PLCB4: variants seen among roughly 807,000 people sequenced by gnomAD.
PLCB4 encodes 1-phosphatidylinositol 4,5-bisphosphate phosphodiesterase beta-4.
PLCB4 carries 77 observed loss-of-function variants against 178.8 expected under a neutral mutation model. The observed-to-expected ratio is 0.43, with a 90% confidence interval of 0.36 to 0.52. The LOEUF is 0.52. Among genes scored for constraint, PLCB4 ranks in the 20% least tolerant of loss-of-function variants. The pLI, the probability that PLCB4 is intolerant of heterozygous loss-of-function variation, is 0.00. For synonymous variants in PLCB4, 496 were observed against 490.8 expected, an observed-to-expected ratio of 1.01 and a Z score of -0.14; for missense variants, 1,024 against 1,453.4, an observed-to-expected ratio of 0.70 and a Z score of 4.80.
At chr20:9,185,681 C>T (rs548389237) in intron 2 of PLCB4, among the ~76,000 whole-genome samples, 2 of 152,096 alleles carry the variant, frequency 1.3e-5, no homozygotes, top group East Asian at 1.9e-4. Context: ...GAGTCTTTAC[C>T]GTGACCCACC....
At chr20:9,126,912 T>A (rs1178368009) in intron 2 of PLCB4, among the ~76,000 whole-genome samples, 1 of 151,874 alleles carries the variant, frequency 6.6e-6, no homozygotes, top group African/African-American at 2.4e-5. Flanking sequence ...TAAAATAAAA[T>A]GCCCTACTTT....
intron 26 of PLCB4, among the ~76,000 whole-genome samples, chr20:9,421,048 A>T (rs1479105812): frequency 2.1e-5 from 3 of 146,330 alleles, no homozygotes; most frequent in African/African-American, 8.1e-5. Flanking sequence ...ATTCATATAT[A>T]TTTTTTCTTT....
chr20:9,421,032 A>G (rs1390599037), intron 26 of PLCB4, among the ~76,000 whole-genome samples: 1 of 151,354 alleles, frequency 6.6e-6, no homozygotes, highest in Non-Finnish European at 1.5e-5. Context: ...CACTATTTGT[A>G]TTATGATTCA....
At chr20:9,081,233 A>G (rs1342585395) in intron 1 of PLCB4, among the ~76,000 whole-genome samples, 1 of 152,244 alleles carries the variant, frequency 6.6e-6, no homozygotes, top group African/African-American at 2.4e-5. Context: ...AACCAGCTAA[A>G]GTAATTTGCA....
At chr20:9,262,110 G>A (rs991493310) in intron 3 of PLCB4, among the ~76,000 whole-genome samples, 2 of 152,266 alleles carry the variant, frequency 1.3e-5, no homozygotes, top group Admixed American at 6.5e-5. Context: ...GTCTTCTATC[G>A]TCAGTTGAAT....
chr20:9,121,264 C>G (rs1600549164), intron 2 of PLCB4, among the ~76,000 whole-genome samples: 1 of 152,066 alleles, frequency 6.6e-6, no homozygotes, highest in African/African-American at 2.4e-5. Flanking sequence ...ATGGAATATT[C>G]CTTGCTCTCT....
intron 3 of PLCB4, among the ~76,000 whole-genome samples, chr20:9,258,714 CAAAAAAAAAAAAA>C (rs969525907): frequency 1.6e-5 from 1 of 62,780 alleles, no homozygotes; most frequent in Non-Finnish European, 3.4e-5. Flanking sequence ...GACTTCCTCT[CAAAAAAAAAAAAA>C]AAAAAAAAAG....
chr20:9,349,272 T>C (rs1437612015), intron 7 of PLCB4, among the ~76,000 whole-genome samples: 1 of 152,154 alleles, frequency 6.6e-6, no homozygotes, highest in African/African-American at 2.4e-5. Context: ...GGAAACTGCA[T>C]GCCCAATAAG....
chr20:9,105,619 C>G (rs2091333845), intron 2 of PLCB4, among the ~76,000 whole-genome samples: 1 of 151,930 alleles, frequency 6.6e-6, no homozygotes, highest in African/African-American at 2.4e-5. Context: ...AGGGATACAT[C>G]AATGAGTAAA....
chr20:9,206,925 T>C (rs1259281444), intron 2 of PLCB4, among the ~76,000 whole-genome samples: 1 of 152,184 alleles, frequency 6.6e-6, no homozygotes, highest in Non-Finnish European at 1.5e-5. Context: ...GAGACCAGCT[T>C]AGCCAATATG....
At position 9,372,358 on chromosome 20, in the gene PLCB4, A is replaced by G. The variant is rs1386696553; in HGVS notation, c.641A>G (p.Gln214Arg). The change falls in exon 11 of 40, where the codon CAA (glutamine) becomes CGA (arginine). Residue 214 changes from glutamine to arginine, a missense_variant. By Grantham distance (43) the Gln-to-Arg change is conservative. This residue lies in a region of PLCB4 where 225 missense variants were observed against 291.0 expected (regional missense o/e 0.77). Coordinates refer to ENST00000378473, the MANE Select transcript of PLCB4 (RefSeq NM_001377142.1). Reference protein sequence around the residue: ...FSYEKFYELTQKICPRTDIED... With the variant: ...FSYEKFYELTRKICPRTDIED... ...TATGAAAAGTTCTATGAACTGACAC[A>G]AAAGATTTGTCCTCGGACAGATATA... The G allele has an allele frequency of 1.2e-6, 2 of 1,604,358 alleles. No homozygotes were observed. The highest frequency in any genetic ancestry group is 1.1e-5 in the South Asian group (1 of 90,632).
chr20:9,303,295 T>C (rs1046669549), intron 3 of PLCB4, among the ~76,000 whole-genome samples: 2 of 152,200 alleles, frequency 1.3e-5, no homozygotes, highest in Non-Finnish European at 2.9e-5. Flanking sequence ...ATTTCTTCTG[T>C]GTAACTGATA....
At position 9,401,669 on chromosome 20, in the gene PLCB4, A is replaced by G. The variant is rs55924161; in HGVS notation, c.1611+79A>G. On this transcript the variant is annotated intron_variant, in intron 20 of 39. Transcript: ENST00000378473. ...AAATTTTGGAAATGTGAGAACCACA[A>G]GAGAATAAAGTAACCTATAATTCCC... is the stretch of plus-strand genomic sequence containing the variant. The G allele has an allele frequency of 4.8e-3, 4,291 of 888,764 alleles. 15 individuals are homozygous for G. The highest frequency in any genetic ancestry group is 5.4e-3 in the Middle Eastern group (25 of 4,650). The allele number at this position is 888,764 out of a possible 1,614,324, so 55.1% of individuals were successfully genotyped here. A position where few individuals can be genotyped will look rare whatever the true frequency, so the allele number is the denominator to read the frequency against.
At chr20:9,161,567 T>G (rs6056436) in intron 2 of PLCB4, among the ~76,000 whole-genome samples, 35 of 152,360 alleles carry the variant, frequency 2.3e-4, no homozygotes, top group African/African-American at 8.4e-4. Flanking sequence ...TAGGAAAGTC[T>G]GGCTTGCAGC....
chr20:9,238,208 A>T (rs1388341492), intron 3 of PLCB4, among the ~76,000 whole-genome samples: 1 of 152,186 alleles, frequency 6.6e-6, no homozygotes, highest in African/African-American at 2.4e-5. Context: ...GTGCCTATGG[A>T]TATAGTGCCA....
chr20:9,449,724 C>G (rs2042637564), intron 32 of PLCB4, among the ~76,000 whole-genome samples: 1 of 152,188 alleles, frequency 6.6e-6, no homozygotes, highest in Non-Finnish European at 1.5e-5. Flanking sequence ...CTACTAAACT[C>G]TGGCATTTTT....
intron 33 of PLCB4, among the ~76,000 whole-genome samples, chr20:9,455,870 A>G (rs764005979): frequency 1.3e-5 from 2 of 152,142 alleles, no homozygotes; most frequent in Non-Finnish European, 1.5e-5. Context: ...TAGTCTTGCT[A>G]TGTTGCCCAG....
At chr20:9,396,433 A>G (rs1000739498) in intron 19 of PLCB4, among the ~76,000 whole-genome samples, 1 of 152,250 alleles carries the variant, frequency 6.6e-6, no homozygotes, top group African/African-American at 2.4e-5. Flanking sequence ...CTGTGTAGCT[A>G]GATAATTTTA....
At chr20:9,344,176 G>A (rs1409911933) in intron 7 of PLCB4, among the ~76,000 whole-genome samples, 7 of 151,852 alleles carry the variant, frequency 4.6e-5, no homozygotes, top group Admixed American at 2.0e-4. Flanking sequence ...TTCCTCCTAC[G>A]CATTTTCTTC....
Sources: allele counts gnomAD v4.1 joint callset (sites outside exome capture counted in the v4.1 genomes callset), GRCh38; gene constraint gnomAD v4.1.1; regional missense constraint gnomAD v4.1.1; transcripts MANE v1.5; gene names NCBI Gene and HGNC (gene_info 2026-07-23, HGNC 2026-07-21).